MYO18B: variants seen among roughly 807,000 people sequenced by gnomAD.
MYO18B encodes unconventional myosin-XVIIIb.
MYO18B carries 204 observed loss-of-function variants against 273.0 expected under a neutral mutation model. The ratio of observed to expected loss-of-function variants is 0.75; its 90% CI spans 0.67 to 0.84. The LOEUF is 0.84. Ranked by LOEUF, MYO18B falls within the 40% of genes least tolerant of loss-of-function variation. MYO18B has a pLI of 0.00. For missense variants in MYO18B, 3,212 were observed against 3,287.6 expected (o/e 0.98, Z 0.56); for synonymous variants, 1,330 against 1,305.7 (o/e 1.02, Z -0.40).
At chr22:25,861,244 C>G (rs2090726414) in intron 21 of MYO18B, among the ~76,000 whole-genome samples, 1 of 152,102 alleles carries the variant, frequency 6.6e-6, no homozygotes, top group South Asian at 2.1e-4. Context: ...ATTACGCTCT[C>G]CAACTATTAA....
chr22:25,927,706 G>T (rs1469794039), intron 34 of MYO18B, among the ~76,000 whole-genome samples: 1 of 151,782 alleles, frequency 6.6e-6, no homozygotes, highest in Non-Finnish European at 1.5e-5. Context: ...AAACTTGCTG[G>T]TTTTTGTGGC....
intron 42 of MYO18B, among the ~76,000 whole-genome samples, chr22:26,007,287 A>G (rs2027883): frequency 0.2 from 30,163 of 152,164 alleles, 3,540 homozygotes; most frequent in Middle Eastern, 0.27. Flanking sequence ...AGAAATATTA[A>G]TTGTATTTGG....
chr22:26,021,379 AT>A (rs1935803039), intron 42 of MYO18B, among the ~76,000 whole-genome samples: 1 of 152,246 alleles, frequency 6.6e-6, no homozygotes, highest in Admixed American at 6.5e-5. Flanking sequence ...AGCATGATTC[AT>A]AACTTGAACA....
intron 42 of MYO18B, among the ~76,000 whole-genome samples, chr22:26,023,254 T>C (rs1935959436): frequency 6.6e-6 from 1 of 152,292 alleles, no homozygotes; most frequent in Non-Finnish European, 1.5e-5. Context: ...TTGTCCTCCC[T>C]CCACTTTTCT....
intron 21 of MYO18B, among the ~76,000 whole-genome samples, chr22:25,867,241 T>C (rs1486914774): frequency 6.6e-6 from 1 of 152,222 alleles, no homozygotes; most frequent in African/African-American, 2.4e-5. Context: ...GCTCTTCCTC[T>C]TGCAAAACTG....
intron 17 of MYO18B, among the ~76,000 whole-genome samples, chr22:25,836,792 C>T (rs2145958950): frequency 6.6e-6 from 1 of 152,114 alleles, no homozygotes; most frequent in Admixed American, 6.5e-5. Flanking sequence ...GAAACCCCAT[C>T]TCTACTAAAA....
At chr22:26,047,085 CT>C in the MYO18B span, among the ~76,000 whole-genome samples, 2 of 151,186 alleles carry the variant, frequency 1.3e-5, no homozygotes, top group African/African-American at 4.9e-5. Context: ...GTCTTGGAAA[CT>C]ATGCGGTATC....
chr22:25,746,894 G>C (rs1389340257), intron 1 of MYO18B, among the ~76,000 whole-genome samples: 1 of 152,190 alleles, frequency 6.6e-6, no homozygotes, highest in Non-Finnish European at 1.5e-5. Context: ...GGCCAAGGCA[G>C]GCGGATCACG....
At chr22:25,921,520 T>A in intron 34 of MYO18B, 111 bp downstream of exon 34, 1 of 1,332,560 alleles carries the variant, frequency 7.5e-7, no homozygotes, top group Non-Finnish European at 1.0e-6. Flanking sequence ...ACCTCCAACT[T>A]TCACAGATGT....
chr22:25,760,271 CG>C (rs1451060058), intron 1 of MYO18B, among the ~76,000 whole-genome samples: 5 of 151,732 alleles, frequency 3.3e-5, no homozygotes, highest in African/African-American at 1.2e-4. Context: ...AAAAATTAGC[CG>C]GGTGTGGTGG....
rs2089869132 is a variant in MYO18B at position 25,835,565 on chromosome 22, A to G, written c.3208+122A>G. 2.5e-6 allele frequency: 3 copies of G among 1,189,952 alleles called. 1 individual carries two copies. In the East Asian group the frequency reaches 7.0e-5, roughly 28 times the overall value. The allele number at this position is 1,189,952 out of a possible 1,614,324, so 73.7% of individuals were successfully genotyped here. A position where few individuals can be genotyped will look rare whatever the true frequency, so the allele number is the denominator to read the frequency against. ...CAGAGGCTCCAACGTGCAGAGGTGA[A>G]TGTGCATGAGCCTGTGTATGCTTTC... is the stretch of plus-strand genomic sequence containing the variant. On this transcript the variant is annotated intron_variant, in intron 17 of 43. Coordinates refer to ENST00000335473, the MANE Select transcript of MYO18B (RefSeq NM_032608.7).
chr22:25,847,952 C>T (rs2859408), intron 20 of MYO18B, among the ~76,000 whole-genome samples: 1 of 45,180 alleles, frequency 2.2e-5, no homozygotes, highest in South Asian at 9.9e-4. Flanking sequence ...CACACATACA[C>T]ACACACACAC....
chr22:25,811,652 G>C (rs796321452), intron 12 of MYO18B, among the ~76,000 whole-genome samples: 40 of 152,236 alleles, frequency 2.6e-4, no homozygotes, highest in African/African-American at 8.4e-4. Context: ...CTTGCCTTGG[G>C]CCTCTTTCCA....
chr22:25,977,184 C>T (rs1425025358), intron 39 of MYO18B, among the ~76,000 whole-genome samples: 1 of 152,174 alleles, frequency 6.6e-6, no homozygotes, highest in Non-Finnish European at 1.5e-5. Context: ...CGTGCTGTTT[C>T]TCCCCGGCTA....
At chr22:25,849,178 T>C (rs1221294562) in intron 20 of MYO18B, among the ~76,000 whole-genome samples, 1 of 152,232 alleles carries the variant, frequency 6.6e-6, no homozygotes, top group African/African-American at 2.4e-5. Context: ...TGGGTCAGAC[T>C]GTTAGAATGC....
intron 25 of MYO18B, among the ~76,000 whole-genome samples, chr22:25,885,328 C>A (rs1374497406): frequency 6.6e-6 from 1 of 152,132 alleles, no homozygotes; most frequent in Non-Finnish European, 1.5e-5. Flanking sequence ...GTGATTTGAA[C>A]CCAGGGCTGG....
At chr22:25,826,552 G>A in intron 14 of MYO18B, 53 bp downstream of exon 14, 1 of 1,485,324 alleles carries the variant, frequency 6.7e-7, no homozygotes, top group Non-Finnish European at 9.3e-7. Flanking sequence ...GTGCACAGAT[G>A]AATTCACATA....
In MYO18B at chr22:25,771,652, G is replaced by A. The variant is rs143162638; in HGVS notation, c.1692+668G>A. Among the ~76,000 whole-genome samples the A allele has an allele frequency of 4.1e-3, 622 of 151,734 alleles. 2 individuals are homozygous for A. Among genetic ancestry groups the A allele is most frequent in the African/African-American group, 0.014 (563 of 41,312 alleles). On this transcript the variant is annotated intron_variant, in intron 6 of 43. Transcript: ENST00000335473. ...CTGCCCACCTCAGGCTTTCTCTCCC[G>A]CGTTGGGCATTTACAGAGGCTCAGT...
intron 1 of MYO18B, among the ~76,000 whole-genome samples, chr22:25,751,961 C>T (rs537762326): frequency 3.9e-5 from 6 of 152,230 alleles, no homozygotes; most frequent in African/African-American, 1.4e-4. Context: ...TCTCACTGCA[C>T]GGCTAGGAAA....
Sources: gnomAD v4.1 joint callset for allele counts (sites outside exome capture counted in the v4.1 genomes callset) on GRCh38, gnomAD v4.1.1 for gene constraint, MANE v1.5 for transcripts, NCBI Gene and HGNC (gene_info 2026-07-23, HGNC 2026-07-21) for gene names.